Variants in ADARB2 observed in about 807,000 individuals in gnomAD.
The protein encoded by ADARB2 is adenosine deaminase RNA specific B2 (inactive).
Under a neutral mutation model 62.2 loss-of-function variants are expected in ADARB2, and 25 were observed. That is an observed-to-expected ratio of 0.40 (90% CI 0.29 to 0.56). The LOEUF (loss-of-function observed/expected upper bound fraction) is 0.56, where lower values mean the gene tolerates loss of function less well. ADARB2 is among the 20% of genes least tolerant of loss of function. The probability of loss-of-function intolerance (pLI) is 0.43; values close to 1 mark genes in which losing one functional copy is unlikely to be tolerated. For missense variants in ADARB2, 1,071 were observed against 1,077.4 expected (o/e 0.99, Z 0.08); for synonymous variants, 572 against 500.8 (o/e 1.14, Z -1.90).
chr10:1,451,342 G>A (rs1831035171), intron 1 of ADARB2, among the ~76,000 whole-genome samples: 1 of 152,226 alleles, frequency 6.6e-6, no homozygotes, highest in Non-Finnish European at 1.5e-5. Context: ...AGTGGAGTGT[G>A]CACCTCACTC....
At chr10:1,360,307 G>A (rs923747940) in intron 3 of ADARB2, among the ~76,000 whole-genome samples, 1 of 152,248 alleles carries the variant, frequency 6.6e-6, no homozygotes, top group African/African-American at 2.4e-5. Context: ...CCAGGAAAAC[G>A]CATGGCTTGT....
chr10:1,343,531 C>G (rs1297797293), intron 3 of ADARB2, among the ~76,000 whole-genome samples: 1 of 152,154 alleles, frequency 6.6e-6, no homozygotes, highest in Non-Finnish European at 1.5e-5. Flanking sequence ...GGTATATACC[C>G]AAAGGAATAT....
chr10:1,374,083 C>A (rs960878710), intron 2 of ADARB2, among the ~76,000 whole-genome samples: 17 of 152,318 alleles, frequency 1.1e-4, no homozygotes, highest in African/African-American at 3.8e-4. Flanking sequence ...CCTCTGCACC[C>A]CAGCCAAGCA....
In ADARB2 at chr10:1,363,153, C is replaced by G; in HGVS notation, c.952G>C (p.Glu318Gln). The G allele has an allele frequency of 6.5e-7, 1 of 1,546,458 alleles. No homozygotes were observed. Among genetic ancestry groups the G allele is most frequent in the Non-Finnish European group, 8.7e-7 (1 of 1,155,554 alleles). The change falls in exon 3 of 10, where the codon GAG becomes CAG. Residue 318 changes from glutamate to glutamine, a missense_variant. Glu to Gln is a conservative substitution (Grantham distance 29). Coordinates refer to ENST00000381312, the MANE Select transcript of ADARB2 (RefSeq NM_018702.4). ...AGCTTCTTGCTGCGCCCCGAGCCCT[C>G]GAACGTCCTGCCGTCCACGCTCACG... The part of the protein sequence containing the change: ...MAVSVDGRTF[E>Q]GSGRSKKLAR...
chr10:1,665,543 G>T (rs141984027), intron 1 of ADARB2, among the ~76,000 whole-genome samples: 1 of 152,274 alleles, frequency 6.6e-6, no homozygotes, highest in African/African-American at 2.4e-5. Flanking sequence ...CCCAGGCGGT[G>T]CATAGACAGT....
chr10:1,572,174 G>T (rs1281708534), intron 1 of ADARB2, among the ~76,000 whole-genome samples: 1 of 150,086 alleles, frequency 6.7e-6, no homozygotes, highest in Non-Finnish European at 1.5e-5. Context: ...TGAGTGTGCA[G>T]GCGAGTAGGC....
intron 3 of ADARB2, among the ~76,000 whole-genome samples, chr10:1,299,748 T>G (rs1831556537): frequency 6.6e-6 from 1 of 152,234 alleles, no homozygotes; most frequent in South Asian, 2.1e-4. Context: ...TTCTGCTTCC[T>G]GACCTCCTGG....
intron 1 of ADARB2, among the ~76,000 whole-genome samples, chr10:1,521,763 G>A (rs928734261): frequency 9.8e-5 from 3 of 30,654 alleles, no homozygotes; most frequent in Non-Finnish European, 1.8e-4. Flanking sequence ...AAGCTGGAAG[G>A]GGCACCCCCC....
At chr10:1,470,863 A>T (rs952716735) in intron 1 of ADARB2, among the ~76,000 whole-genome samples, 3 of 152,180 alleles carry the variant, frequency 2.0e-5, no homozygotes, top group African/African-American at 7.2e-5. Context: ...GATCGAGACC[A>T]TCCTGGCTAA....
chr10:1,399,856 G>C (rs1265085084), intron 1 of ADARB2, among the ~76,000 whole-genome samples: 1 of 152,164 alleles, frequency 6.6e-6, no homozygotes, highest in African/African-American at 2.4e-5. Context: ...GGCTGCCCTT[G>C]AGAGTGCCCT....
At chr10:1,369,778 T>A (rs933315287) in intron 2 of ADARB2, among the ~76,000 whole-genome samples, 3 of 152,218 alleles carry the variant, frequency 2.0e-5, no homozygotes, top group Non-Finnish European at 4.4e-5. Flanking sequence ...CCCCTCTGTC[T>A]CTGATCCCTA....
At chr10:1,585,469 A>T (rs1367109827) in intron 1 of ADARB2, among the ~76,000 whole-genome samples, 2 of 152,190 alleles carry the variant, frequency 1.3e-5, no homozygotes, top group Non-Finnish European at 2.9e-5. Context: ...ATTCAAAGTC[A>T]TCCCCCTGTG....
At chr10:1,334,614 T>C (rs944446705) in intron 3 of ADARB2, among the ~76,000 whole-genome samples, 1 of 152,280 alleles carries the variant, frequency 6.6e-6, no homozygotes, top group African/African-American at 2.4e-5. Flanking sequence ...CTTTAATAGA[T>C]GAATCTTTAA....
At chr10:1,192,938 G>A (rs34864641) in intron 8 of ADARB2, among the ~76,000 whole-genome samples, 25,036 of 152,252 alleles carry the variant, frequency 0.16, 2,666 homozygotes, top group Non-Finnish European at 0.23. Flanking sequence ...GCGAGACTCC[G>A]TCTCAAAAGA....
intron 3 of ADARB2, among the ~76,000 whole-genome samples, chr10:1,302,921 AT>A (rs1589185752): frequency 1.3e-5 from 2 of 152,274 alleles, no homozygotes; most frequent in East Asian, 3.9e-4. Flanking sequence ...AACCACAAAG[AT>A]GGGGAAAAAA....
chr10:1,253,340 A>G (rs1005420204), intron 4 of ADARB2, among the ~76,000 whole-genome samples: 5 of 152,246 alleles, frequency 3.3e-5, no homozygotes, highest in African/African-American at 1.2e-4. Context: ...TATGAAGCAC[A>G]TGTTCTTGCA....
intron 8 of ADARB2, among the ~76,000 whole-genome samples, chr10:1,194,512 TTATC>T (rs895521898): frequency 7.4e-5 from 9 of 121,188 alleles, no homozygotes; most frequent in Non-Finnish European, 1.4e-4. Flanking sequence ...CATCTATCTA[TTATC>T]TATCTATCTA....
intron 3 of ADARB2, among the ~76,000 whole-genome samples, chr10:1,301,574 G>C (rs927692161): frequency 2.0e-5 from 3 of 146,344 alleles, no homozygotes; most frequent in African/African-American, 7.6e-5. Flanking sequence ...CTCTCTCTCT[G>C]TCCCTCCATT....
At chr10:1,209,594 C>T (rs1445936487) in intron 7 of ADARB2, among the ~76,000 whole-genome samples, 1 of 151,166 alleles carries the variant, frequency 6.6e-6, no homozygotes, top group Non-Finnish European at 1.5e-5. Flanking sequence ...CACCATCACC[C>T]ACACCCATGA....
Sources: allele counts gnomAD v4.1 joint callset (sites outside exome capture counted in the v4.1 genomes callset), GRCh38; gene constraint gnomAD v4.1.1; transcripts MANE v1.5; gene names NCBI Gene and HGNC (gene_info 2026-07-23, HGNC 2026-07-21).